Variants in MSI2 observed in about 807,000 individuals in gnomAD.
MSI2 encodes musashi RNA binding protein 2.
A neutral mutation model predicts 45.6 loss-of-function variants in MSI2; 17 were observed. That is an observed-to-expected ratio of 0.37 (90% confidence interval 0.26 to 0.56). The LOEUF (loss-of-function observed/expected upper bound fraction) is 0.56. MSI2 is among the 20% of genes least tolerant of loss of function. The probability of loss-of-function intolerance (pLI) is 0.77; values close to 1 mark genes in which losing one functional copy is unlikely to be tolerated. For synonymous variants in MSI2, 156 were observed against 158.2 expected, an observed-to-expected ratio of 0.99 and a Z score of 0.11; for missense variants, 293 against 444.2, an observed-to-expected ratio of 0.66 and a Z score of 3.06.
chr17:57,418,633 C>T (rs538798001), intron 6 of MSI2, among the ~76,000 whole-genome samples: 1 of 152,150 alleles, frequency 6.6e-6, no homozygotes, highest in Non-Finnish European at 1.5e-5. Context: ...GAGGATTGTA[C>T]CCACAAACGT....
intron 9 of MSI2, among the ~76,000 whole-genome samples, chr17:57,623,188 G>C (rs1908476485): frequency 6.6e-6 from 1 of 152,140 alleles, no homozygotes; most frequent in Admixed American, 6.5e-5. Flanking sequence ...TAGTCTGTTT[G>C]CAGACCTCAT....
chr17:57,462,992 G>A (rs1449009859), intron 6 of MSI2, among the ~76,000 whole-genome samples: 1 of 152,264 alleles, frequency 6.6e-6, no homozygotes, highest in South Asian at 2.1e-4. Context: ...GTCAGTGGAG[G>A]CCATGGGGCC....
At chr17:57,339,573 G>C (rs953004288) in intron 5 of MSI2, among the ~76,000 whole-genome samples, 5 of 152,160 alleles carry the variant, frequency 3.3e-5, no homozygotes, top group African/African-American at 9.7e-5. Flanking sequence ...AGTCCCGTTT[G>C]CCATGCTCCT....
intron 6 of MSI2, among the ~76,000 whole-genome samples, chr17:57,404,906 C>G (rs1299636386): frequency 3.3e-5 from 5 of 152,134 alleles, no homozygotes; most frequent in African/African-American, 1.2e-4. Context: ...GATGTTGTTA[C>G]TTGTTTATAT....
chr17:57,325,534 T>G (rs528279173), intron 5 of MSI2, among the ~76,000 whole-genome samples: 1 of 152,054 alleles, frequency 6.6e-6, no homozygotes, highest in African/African-American at 2.4e-5. Context: ...AGCAAATGAG[T>G]GTGGGCTGTC....
intron 6 of MSI2, among the ~76,000 whole-genome samples, chr17:57,525,711 C>A (rs1325636527): frequency 6.6e-6 from 1 of 152,204 alleles, no homozygotes; most frequent in African/African-American, 2.4e-5. Flanking sequence ...CCAAAACAGA[C>A]CAGGGTTCTG....
intron 7 of MSI2, among the ~76,000 whole-genome samples, chr17:57,588,342 C>T (rs1254998469): frequency 6.6e-6 from 1 of 152,148 alleles, no homozygotes; most frequent in Non-Finnish European, 1.5e-5. Context: ...TTAATAAGGC[C>T]AGGGAAGTGA....
Position 57,529,149 on chromosome 17 carries a change from C to T in MSI2, c.406-527C>T, listed in dbSNP as rs1567879913. ...TTTTTCTTTCTTTAGAAAAAAAATA[C>T]TCCAGGCCTGGAGCAGTGGCTCACA... On this transcript the variant is annotated intron_variant, in intron 6 of 13. Coordinates refer to ENST00000284073, the MANE Select transcript of MSI2 (RefSeq NM_138962.4). This position sits in a 1 kb window ranked among gnomAD's most constrained non-coding sequence, Gnocchi z 5.3. Among the ~76,000 whole-genome samples, 1 of 152,082 alleles carries T rather than the reference C, an allele frequency of 6.6e-6. No homozygotes were observed. The highest frequency in any genetic ancestry group is 6.6e-5 in the Admixed American group (1 of 15,264).
intron 11 of MSI2, among the ~76,000 whole-genome samples, chr17:57,661,510 A>G (rs1409258446): frequency 6.6e-6 from 1 of 152,138 alleles, no homozygotes; most frequent in Non-Finnish European, 1.5e-5. Context: ...GGACAGAACC[A>G]TCTAAAGAAG....
intron 5 of MSI2, among the ~76,000 whole-genome samples, chr17:57,368,525 C>T (rs1196923351): frequency 2.6e-5 from 4 of 152,050 alleles, no homozygotes; most frequent in Admixed American, 6.6e-5. Flanking sequence ...ACTGTGCTCC[C>T]ACCTGGGTGA....
At chr17:57,401,242 G>A (rs909627814) in intron 5 of MSI2, 137 bp from the exon 6 acceptor site, 17 of 674,884 alleles carry the variant, frequency 2.5e-5, no homozygotes, top group African/African-American at 7.1e-5. Context: ...ACATCTAAAC[G>A]CCCGCGCCAT....
chr17:57,564,907 G>T (rs1403702876), intron 7 of MSI2, among the ~76,000 whole-genome samples: 2 of 152,110 alleles, frequency 1.3e-5, no homozygotes, highest in Non-Finnish European at 2.9e-5. Context: ...GTGACGCCTT[G>T]GGTTGTTGGT....
At position 57,496,612 on chromosome 17, in the gene MSI2, C is replaced by T. The variant is rs115709903; in HGVS notation, c.406-33064C>T. Among the ~76,000 whole-genome samples the T allele has an allele frequency of 8.2e-3, 1,244 of 152,310 alleles. 17 individuals carry two copies. Among genetic ancestry groups the T allele is most frequent in the African/African-American group, 0.028 (1,164 of 41,568 alleles). ...AGGTGCACTCAGGTAAACCACATCC[C>T]CGTGTGCTCCGGGAGGACAGAGCAC... On this transcript the variant is annotated intron_variant, in intron 6 of 13. Transcript: ENST00000284073.
chr17:57,383,444 G>T (rs890247676), intron 5 of MSI2, among the ~76,000 whole-genome samples: 1 of 152,160 alleles, frequency 6.6e-6, no homozygotes, highest in Non-Finnish European at 1.5e-5. Context: ...ATCACCTGAG[G>T]TCAGGAGTTC....
At chr17:57,396,454 A>G (rs912637266) in intron 5 of MSI2, among the ~76,000 whole-genome samples, 2 of 151,184 alleles carry the variant, frequency 1.3e-5, no homozygotes, top group Non-Finnish European at 2.9e-5. Context: ...GCTTTATCCT[A>G]TTTTATAAAA....
chr17:57,645,602 GC>G (rs1910596573), intron 10 of MSI2, among the ~76,000 whole-genome samples: 1 of 149,360 alleles, frequency 6.7e-6, no homozygotes, highest in South Asian at 2.1e-4. Flanking sequence ...CGCCTGGCTA[GC>G]TTTTTTTTTT....
At chr17:57,453,275 A>G (rs185905463) in intron 6 of MSI2, among the ~76,000 whole-genome samples, 1 of 152,246 alleles carries the variant, frequency 6.6e-6, no homozygotes, top group Non-Finnish European at 1.5e-5. Context: ...TGCTAGGACT[A>G]CAGGCATGAG....
chr17:57,685,768 G>A (rs2144778446), downstream of MSI2, among the ~76,000 whole-genome samples: 1 of 152,310 alleles, frequency 6.6e-6, no homozygotes, highest in South Asian at 2.1e-4. Context: ...GGAGAGAAGA[G>A]TATAATCCCT....
At chr17:57,585,007 G>A (rs2088307832) in intron 7 of MSI2, among the ~76,000 whole-genome samples, 3 of 151,932 alleles carry the variant, frequency 2.0e-5, no homozygotes, top group Admixed American at 6.6e-5. Context: ...TAGTAGAGAC[G>A]GGGTTTCACC....
Sources: allele counts gnomAD v4.1 joint callset (sites outside exome capture counted in the v4.1 genomes callset), GRCh38; gene constraint gnomAD v4.1.1; non-coding constraint Gnocchi (gnomAD v3.1); transcripts MANE v1.5; gene names NCBI Gene and HGNC (gene_info 2026-07-23, HGNC 2026-07-21).